SGO2: variants seen among roughly 807,000 people sequenced by gnomAD.
SGO2 encodes shugoshin-like 2.
In SGO2, 68 loss-of-function variants were observed where a neutral mutation model predicts 99.5. That is an observed-to-expected ratio of 0.68 (90% confidence interval 0.56 to 0.84). SGO2 has a LOEUF of 0.84. Among genes scored for constraint, SGO2 ranks in the 40% least tolerant of loss-of-function variants. SGO2 has a pLI of 0.00. For synonymous variants in SGO2, 457 were observed against 487.1 expected (o/e 0.94, Z 0.81); for missense variants, 1,350 against 1,436.7 (o/e 0.94, Z 0.97).
chr2:200,561,254 C>A (rs2032948219), intron 5 of SGO2, among the ~76,000 whole-genome samples: 1 of 152,148 alleles, frequency 6.6e-6, no homozygotes, highest in African/African-American at 2.4e-5. Context: ...TCCAAGTGTT[C>A]TCATTGTTCA....
chr2:200,573,343 A>G lies in SGO2; in HGVS notation c.2997A>G (p.Thr999=). Residue 999 remains threonine, a synonymous_variant, in exon 7 of 9, where the codon ACA becomes ACG. Transcript: ENST00000357799. ...CATGCAAGGCAAAGAACATTTTGAC[A>G]AAAGCTAAGAACAAACTTGCTTCAC... is the stretch of plus-strand genomic sequence containing the variant. ...ESSCKAKNIL[T]KAKNKLASQL... 1 of 1,605,420 alleles carries G rather than the reference A, an allele frequency of 6.2e-7. No homozygotes were observed. The highest frequency in any genetic ancestry group is 8.5e-7 in the Non-Finnish European group (1 of 1,177,520).
intron 5 of SGO2, among the ~76,000 whole-genome samples, chr2:200,545,675 T>A (rs766190762): frequency 6.6e-6 from 1 of 152,168 alleles, no homozygotes; most frequent in Non-Finnish European, 1.5e-5. Flanking sequence ...AGAACTGCAC[T>A]TCCACATGTG....
chr2:200,551,716 C>G (rs2032492187), intron 5 of SGO2, among the ~76,000 whole-genome samples: 1 of 151,660 alleles, frequency 6.6e-6, no homozygotes, highest in Non-Finnish European at 1.5e-5. Flanking sequence ...ATGTAGGTAT[C>G]TTACTGACCT....
chr2:200,553,496 A>T (rs2032580153), intron 5 of SGO2, among the ~76,000 whole-genome samples: 2 of 152,192 alleles, frequency 1.3e-5, no homozygotes, highest in South Asian at 4.1e-4. Flanking sequence ...GCAGAAAAAA[A>T]CTCAAAAACA....
intron 3 of SGO2, among the ~76,000 whole-genome samples, 185 bp downstream of exon 3, chr2:200,535,356 T>C (rs2031642577): frequency 6.6e-6 from 1 of 152,182 alleles, no homozygotes; most frequent in South Asian, 2.1e-4. Context: ...GTTTTAAATC[T>C]ACATTCTAAA....
In SGO2 at chr2:200,577,748, A is replaced by G. The variant is rs375405098; in HGVS notation, c.3782+2287A>G. 1.5e-3 allele frequency among the ~76,000 whole-genome samples: 230 copies of G among 149,236 alleles called. 1 individual carries two copies. Among genetic ancestry groups the G allele is most frequent in the African/African-American group, 5.4e-3 (216 of 40,322 alleles). ...CAGTTTATTTTGTAGAATATCTCTC[A>G]GTTTGGGTTTTCTGATATTTTCTCA... On this transcript the variant is annotated intron_variant, in intron 8 of 8. Transcript: ENST00000357799.
chr2:200,537,026 A>G (rs143800971), intron 4 of SGO2, among the ~76,000 whole-genome samples: 29 of 152,200 alleles, frequency 1.9e-4, no homozygotes, highest in African/African-American at 6.7e-4. Flanking sequence ...ATGCTATACC[A>G]GATGTTCTAT....
intron 5 of SGO2, among the ~76,000 whole-genome samples, chr2:200,549,855 C>T (rs1392662598): frequency 1.3e-5 from 2 of 152,272 alleles, no homozygotes; most frequent in Admixed American, 1.3e-4. Context: ...CAACATAATA[C>T]TTGAAGTACT....
chr2:200,570,153 A>G lies in SGO2; in HGVS notation c.703+261A>G, dbSNP rs569936582. On this transcript the variant is annotated intron_variant, in intron 6 of 8. Transcript: ENST00000357799. The surrounding 1 kb of genome is among the most constrained non-coding windows in gnomAD (Gnocchi z 4.4). The stretch of plus-strand genomic sequence containing the variant: ...AAATGGACCTAATGAGCTTTTCTCA[A>G]TATCTTAGCTTATGATTTGAAAGAT... 24 of 413,512 alleles carry G rather than the reference A, an allele frequency of 5.8e-5. No homozygotes were observed. The South Asian group carries it at 5.9e-4, about 10-fold the overall frequency. The allele number at this position is 413,512 out of a possible 1,614,324, so 25.6% of individuals were successfully genotyped here. A position where few individuals can be genotyped will look rare whatever the true frequency, so the allele number is the denominator to read the frequency against.
chr2:200,528,471 C>T (rs2031210884), intron 1 of SGO2, among the ~76,000 whole-genome samples: 1 of 152,138 alleles, frequency 6.6e-6, no homozygotes, highest in South Asian at 2.1e-4. Context: ...AAGGAACTTT[C>T]TGACCTGAGC....
chr2:200,573,499 G>C lies in SGO2; in HGVS notation c.3153G>C (p.Leu1051Phe). 1 of 1,612,044 alleles carries C rather than the reference G, an allele frequency of 6.2e-7. No homozygotes were observed. The highest frequency in any genetic ancestry group is 8.5e-7 in the Non-Finnish European group (1 of 1,179,170). ...CTCAGAAGCAAAGCACTACCACTTT[G>C]AATAAAAAAGATCTCCCTTTTGTGG... ...CKTQKQSTTTLNKKDLPFVEE... is the reference protein window; with the variant it reads ...CKTQKQSTTTFNKKDLPFVEE... The change falls in exon 7 of 9, where the codon TTG becomes TTC. Residue 1051 changes from leucine (L) to phenylalanine (F), a missense_variant. Leu to Phe is a conservative substitution (Grantham distance 22). Transcript: ENST00000357799.
chr2:200,564,045 T>C (rs1157262326), intron 5 of SGO2, among the ~76,000 whole-genome samples: 3 of 152,250 alleles, frequency 2.0e-5, no homozygotes, highest in Non-Finnish European at 4.4e-5. Context: ...AGGGTTTCTT[T>C]GTGTCTCTAT....
intron 1 of SGO2, among the ~76,000 whole-genome samples, chr2:200,527,671 A>G (rs2031166120): frequency 6.6e-6 from 1 of 152,234 alleles, no homozygotes; most frequent in African/African-American, 2.4e-5. Flanking sequence ...CCATTCATTC[A>G]TAGTCACTTC....
intron 2 of SGO2, among the ~76,000 whole-genome samples, chr2:200,534,329 T>C (rs1246199107): frequency 6.6e-6 from 1 of 152,190 alleles, no homozygotes; most frequent in East Asian, 1.9e-4. Context: ...GAAAAGCAAT[T>C]TCAGGCGTGA....
chr2:200,555,080 C>T (rs1238946979), intron 5 of SGO2, among the ~76,000 whole-genome samples: 1 of 152,074 alleles, frequency 6.6e-6, no homozygotes, highest in Admixed American at 6.5e-5. Context: ...CAGCTTTATC[C>T]TATCTAATTT....
At chr2:200,565,998 A>T (rs2033171827) in intron 5 of SGO2, among the ~76,000 whole-genome samples, 2 of 152,112 alleles carry the variant, frequency 1.3e-5, no homozygotes, top group Non-Finnish European at 2.9e-5. Flanking sequence ...CTTCTTTGCG[A>T]TGGGTTTGAA....
intron 1 of SGO2, chr2:200,532,480 T>G (rs2031456198): frequency 2.5e-5 from 24 of 951,610 alleles, no homozygotes; most frequent in Non-Finnish European, 3.0e-5. Flanking sequence ...ATTACTCTTG[T>G]AATACTATAA....
At chr2:200,528,871 A>C (rs904052283) in intron 1 of SGO2, among the ~76,000 whole-genome samples, 6 of 152,234 alleles carry the variant, frequency 3.9e-5, no homozygotes, top group African/African-American at 1.4e-4. Flanking sequence ...CAGAACAAAC[A>C]GAAGAATGTG....
In SGO2 at chr2:200,549,793, A is replaced by G. The variant is rs758198684; in HGVS notation, c.473+7129A>G. On this transcript the variant is annotated intron_variant, in intron 5 of 8. Coordinates refer to ENST00000357799, the MANE Select transcript of SGO2 (RefSeq NM_152524.6). ...CATCTATGACAAACCCACATCTAGC[A>G]TTGTACTTTGAAGACTGGAACAAGA... is the stretch of plus-strand genomic sequence containing the variant. Among the ~76,000 whole-genome samples, 7 of 152,312 alleles carry G rather than the reference A, an allele frequency of 4.6e-5. No homozygotes were observed. In the South Asian group the frequency reaches 1.4e-3, roughly 32 times the overall value.
Sources: gnomAD v4.1 joint callset for allele counts (sites outside exome capture counted in the v4.1 genomes callset) on GRCh38, gnomAD v4.1.1 for gene constraint, Gnocchi (gnomAD v3.1) non-coding constraint, MANE v1.5 for transcripts, NCBI Gene and HGNC (gene_info 2026-07-23, HGNC 2026-07-21) for gene names.